Variants in ZNF560 observed in about 807,000 individuals in gnomAD.
The protein encoded by ZNF560 is zinc finger protein 560.
Under a neutral mutation model 81.8 loss-of-function variants are expected in ZNF560, and 54 were observed. That is an observed-to-expected ratio of 0.66 (90% CI 0.53 to 0.83). ZNF560 has a LOEUF of 0.83. ZNF560 is among the 40% of genes least tolerant of loss of function. The probability of loss-of-function intolerance (pLI) is 0.00; values close to 1 mark genes in which losing one functional copy is unlikely to be tolerated. For missense variants in ZNF560, 940 were observed against 932.4 expected (o/e 1.01, Z -0.11); for synonymous variants, 321 against 317.9 (o/e 1.01, Z -0.10).
At chr19:9,493,004 A>G (rs1339076967) in intron 2 of ZNF560, among the ~76,000 whole-genome samples, 2 of 150,472 alleles carry the variant, frequency 1.3e-5, no homozygotes, top group Non-Finnish European at 2.9e-5. Context: ...AAAGAAAAAT[A>G]AGGAGGTGAG....
At position 9,466,997 on chromosome 19, in the gene ZNF560, G is replaced by A. The variant is rs1599646455; in HGVS notation, c.1950C>T (p.His650=). ...TACATTTATAGGGTTTATATCCAGT[G>A]TGAGTTCTTAAATGATCAACTAGAC... ...SSSLVDHLRT[H]TGYKPYKCNA... is the part of the protein sequence containing the mutation. Residue 650 remains histidine (H), a synonymous_variant, in exon 10 of 10, where the codon CAC becomes CAT. Coordinates refer to ENST00000301480, the MANE Select transcript of ZNF560 (RefSeq NM_152476.3). 1.2e-6 allele frequency: 2 copies of A among 1,614,072 alleles called. No homozygotes were observed. Among genetic ancestry groups the A allele is most frequent in the African/African-American group, 1.3e-5 (1 of 75,032 alleles).
chr19:9,486,225 G>A (rs1004129273), intron 2 of ZNF560, among the ~76,000 whole-genome samples: 1 of 152,156 alleles, frequency 6.6e-6, no homozygotes. Context: ...CTGGTAAGCA[G>A]TATCCTGGGG....
intron 2 of ZNF560, among the ~76,000 whole-genome samples, chr19:9,495,357 G>T (rs2073541280): frequency 6.6e-6 from 1 of 151,950 alleles, no homozygotes; most frequent in African/African-American, 2.4e-5. Context: ...TACAACACAA[G>T]AATTAAACAA....
At chr19:9,458,060 G>A in the ZNF560 span, among the ~76,000 whole-genome samples, 129 of 152,176 alleles carry the variant, frequency 8.5e-4, no homozygotes, top group African/African-American at 2.9e-3. Flanking sequence ...ACTAATTCAC[G>A]GACTTTGACT....
chr19:9,470,275 T>C, intron 7 of ZNF560, 117 bp downstream of exon 7: 2 of 1,403,302 alleles, frequency 1.4e-6, no homozygotes, highest in Non-Finnish European at 1.9e-6. Flanking sequence ...AAAATTTTTT[T>C]TCAGTGTGTA....
intron 2 of ZNF560, among the ~76,000 whole-genome samples, chr19:9,491,879 G>A (rs2073480335): frequency 8.3e-6 from 1 of 120,822 alleles, no homozygotes. Flanking sequence ...CAACAGTATG[G>A]ACTTCCATTT....
chr19:9,466,468 CT>C lies in ZNF560; in HGVS notation c.*105del. The C allele has an allele frequency of 9.5e-7, 1 of 1,052,232 alleles. No homozygotes were observed. Among genetic ancestry groups the C allele is most frequent in the Non-Finnish European group, 1.4e-6 (1 of 722,188 alleles). 65.2% of individuals were successfully genotyped at this position (1,052,232 alleles called of 1,614,324 possible). A position where few individuals can be genotyped will look rare whatever the true frequency, so the allele number is the denominator to read the frequency against. ...CAACTGTTCAGGCTTTCTCACATTCCTTACATTGATAGTGTTACTTTCTCCT... is the reference window on the plus strand; with the variant it reads ...CAACTGTTCAGGCTTTCTCACATTCCTACATTGATAGTGTTACTTTCTCCT... On this transcript the variant is annotated 3_prime_UTR_variant, in exon 10 of 10. Coordinates refer to ENST00000301480, the MANE Select transcript of ZNF560 (RefSeq NM_152476.3).
downstream of ZNF560, among the ~76,000 whole-genome samples, chr19:9,463,222 TC>T (rs1177122488): frequency 1.3e-5 from 2 of 152,082 alleles, no homozygotes; most frequent in African/African-American, 4.8e-5. Flanking sequence ...TATACAAAGA[TC>T]AAGTGATTTT....
chr19:9,476,080 T>C (rs935940790), intron 2 of ZNF560, among the ~76,000 whole-genome samples: 6 of 152,146 alleles, frequency 3.9e-5, no homozygotes, highest in Non-Finnish European at 7.4e-5. Context: ...CTAGTGTGAA[T>C]ACTAAGGCCT....
chr19:9,487,440 CA>C (rs1239982113), intron 2 of ZNF560, among the ~76,000 whole-genome samples: 1 of 152,172 alleles, frequency 6.6e-6, no homozygotes, highest in African/African-American at 2.4e-5. Flanking sequence ...GGCACTAAGT[CA>C]CTTTTGTGGG....
At chr19:9,500,404 A>AG (rs1425078843), upstream of ZNF560, among the ~76,000 whole-genome samples, 1 of 151,594 alleles carries the variant, frequency 6.6e-6, no homozygotes, top group Non-Finnish European at 1.5e-5. Context: ...CAAAAAAAAA[A>AG]AAAAAAAAAG....
chr19:9,499,676 C>A (rs1323433057), upstream of ZNF560, among the ~76,000 whole-genome samples: 10 of 152,262 alleles, frequency 6.6e-5, no homozygotes. Flanking sequence ...TTAGTTGAAT[C>A]TTCGGGTTAT....
chr19:9,504,960 C>A, the ZNF560 span, among the ~76,000 whole-genome samples: 4 of 152,108 alleles, frequency 2.6e-5, no homozygotes, highest in Admixed American at 2.0e-4. Context: ...TGGCACACAC[C>A]TGTAGTCCCA....
At chr19:9,482,854 G>T (rs990644797) in intron 2 of ZNF560, among the ~76,000 whole-genome samples, 1 of 151,502 alleles carries the variant, frequency 6.6e-6, no homozygotes, top group Non-Finnish European at 1.5e-5. Flanking sequence ...TGGTGGAGAC[G>T]GGGTTTTGCT....
intron 2 of ZNF560, among the ~76,000 whole-genome samples, chr19:9,487,992 T>C (rs924446554): frequency 6.6e-6 from 1 of 152,184 alleles, no homozygotes; most frequent in Admixed American, 6.5e-5. Flanking sequence ...ACAACTCCTG[T>C]TGAGGCTTGG....
chr19:9,483,719 G>A (rs1311529768), intron 2 of ZNF560, among the ~76,000 whole-genome samples: 6 of 148,462 alleles, frequency 4.0e-5, no homozygotes, highest in Admixed American at 2.0e-4. Context: ...GGAGGTGGGG[G>A]GCGCCTCTGC....
Position 9,468,285 on chromosome 19 carries a change from TC to T in ZNF560, c.661del (p.Asp221MetfsTer13). The T allele has an allele frequency of 6.2e-7, 1 of 1,612,416 alleles. No individual in the cohort carries two copies. The highest frequency in any genetic ancestry group is 8.5e-7 in the Non-Finnish European group (1 of 1,179,468). On this transcript the variant is annotated frameshift_variant, in exon 10 of 10. Transcript: ENST00000301480. LOFTEE classifies it high-confidence loss of function. ...EELYDCKQCEDVFCKHPCLKT... is the reference protein window; with the variant it reads ...EELYDCKQCEXVFCKHPCLKT... ...AAGGCATGGATGTTTACAGAAGACA[TC>T]TTCACATTGCTTACAGTCATAGAGT...
At chr19:9,472,037 G>A (rs2073130610) in intron 5 of ZNF560, among the ~76,000 whole-genome samples, 1 of 152,072 alleles carries the variant, frequency 6.6e-6, no homozygotes, top group African/African-American at 2.4e-5. Flanking sequence ...ATGAACCTGG[G>A]AGGCATAGGT....
At chr19:9,475,669 C>T (rs376485488) in intron 2 of ZNF560, among the ~76,000 whole-genome samples, 6 of 150,186 alleles carry the variant, frequency 4.0e-5, no homozygotes, top group South Asian at 4.2e-4. Context: ...TGCAGTGGCA[C>T]GATCTCGGCT....
Sources: gnomAD v4.1 joint callset for allele counts (sites outside exome capture counted in the v4.1 genomes callset) on GRCh38, gnomAD v4.1.1 for gene constraint, MANE v1.5 for transcripts, NCBI Gene and HGNC (gene_info 2026-07-23, HGNC 2026-07-21) for gene names.